Variants in NUP98 observed in about 807,000 individuals in gnomAD.
NUP98 encodes nucleoporin 98 and 96 precursor, also known as nuclear pore complex protein Nup98-Nup96.
NUP98 carries 26 observed loss-of-function variants against 191.9 expected under a neutral mutation model. The ratio of observed to expected loss-of-function variants is 0.14; its 90% CI spans 0.10 to 0.19. The LOEUF is 0.19. Among genes scored for constraint, NUP98 ranks in the 10% least tolerant of loss-of-function variants. NUP98 has a pLI of 1.00. For missense variants in NUP98, 1,941 were observed against 2,178.8 expected (o/e 0.89, Z 2.17); for synonymous variants, 808 against 778.4 (o/e 1.04, Z -0.63).
chr11:3,697,576 A>C lies in NUP98; in HGVS notation c.4009+1506T>G, dbSNP rs2078547381. On this transcript the variant is annotated intron_variant, in intron 25 of 32. Coordinates refer to ENST00000324932, the MANE Select transcript of NUP98 (RefSeq NM_016320.5). ...TGTAATCCCAGCACTTGGGAGGCCAAAGTGGGTGGATCACTGGAAGTCACG... is the reference window on the plus strand; with the variant it reads ...TGTAATCCCAGCACTTGGGAGGCCACAGTGGGTGGATCACTGGAAGTCACG... 3.3e-5 allele frequency among the ~76,000 whole-genome samples: 5 copies of C among 152,110 alleles called. No individual in the cohort carries two copies. In the South Asian group the frequency reaches 1.0e-3, roughly 32 times the overall value.
At chr11:3,733,462 C>T (rs2079922011) in intron 13 of NUP98, among the ~76,000 whole-genome samples, 1 of 152,126 alleles carries the variant, frequency 6.6e-6, no homozygotes, top group Non-Finnish European at 1.5e-5. Flanking sequence ...TGGGCACGCA[C>T]CACCATGCCT....
intron 29 of NUP98, among the ~76,000 whole-genome samples, chr11:3,685,467 T>C (rs1337317610): frequency 6.6e-6 from 1 of 152,234 alleles, no homozygotes; most frequent in Admixed American, 6.5e-5. Context: ...ACAGCACTAT[T>C]TCTGTGTAAT....
chr11:3,720,625 A>C, intron 17 of NUP98, 87 bp downstream of exon 17: 1 of 652,734 alleles, frequency 1.5e-6, no homozygotes, highest in Non-Finnish European at 2.7e-6. Context: ...TAGGAAAATG[A>C]AGATTCAGCT....
chr11:3,737,509 C>G (rs1353244049), intron 12 of NUP98, among the ~76,000 whole-genome samples: 1 of 152,050 alleles, frequency 6.6e-6, no homozygotes, highest in African/African-American at 2.4e-5. Flanking sequence ...CACCTGTAGT[C>G]CCAGCTACTC....
At chr11:3,729,748 C>T (rs868206993) in intron 14 of NUP98, among the ~76,000 whole-genome samples, 6 of 105,062 alleles carry the variant, frequency 5.7e-5, no homozygotes, top group African/African-American at 2.1e-4. Flanking sequence ...AAAAGGATGA[C>T]GTTTGACAGC....
chr11:3,682,706 A>G (rs2078017431), intron 30 of NUP98, among the ~76,000 whole-genome samples: 1 of 152,256 alleles, frequency 6.6e-6, no homozygotes, highest in Non-Finnish European at 1.5e-5. Context: ...GAGAACCACC[A>G]AAATGTGAAA....
chr11:3,712,454 T>C, intron 20 of NUP98, 110 bp downstream of exon 20: 2 of 1,526,540 alleles, frequency 1.3e-6, no homozygotes, highest in Non-Finnish European at 1.8e-6. Context: ...CCAATGTTTG[T>C]ACTCTTCAAA....
At chr11:3,776,486 CT>C (rs35086418) in intron 4 of NUP98, among the ~76,000 whole-genome samples, 35,184 of 132,996 alleles carry the variant, frequency 0.26, 4,251 homozygotes, top group African/African-American at 0.36. Flanking sequence ...ATAGAAATTT[CT>C]TTTTTTTTTT....
chr11:3,770,124 C>T (rs572574930), intron 7 of NUP98, among the ~76,000 whole-genome samples: 6 of 151,466 alleles, frequency 4.0e-5, no homozygotes, highest in African/African-American at 9.7e-5. Context: ...GCTGGTTAAT[C>T]GCCTGAGGTC....
rs762054971 is a variant in NUP98, at chr11:3,695,459, G to C, written c.4157C>G (p.Ala1386Gly). The C allele has an allele frequency of 6.5e-7, 1 of 1,548,740 alleles. No homozygotes were observed. Among genetic ancestry groups the C allele is most frequent in the Admixed American group, 2.1e-5 (1 of 48,172 alleles). ...DERLRIFALLAGKPVWQLSEK... is the reference protein window; with the variant it reads ...DERLRIFALLGGKPVWQLSEK... Reference sequence around the variant, plus strand: ...AAAAGTAGAAGATACCGGTTTTCCAGCCAACAGAGCAAAGATGCGCAGTCT... The same window carrying C: ...AAAAGTAGAAGATACCGGTTTTCCACCCAACAGAGCAAAGATGCGCAGTCT... Residue 1386 changes from alanine to glycine, a missense_variant, in exon 26 of 33, where the codon GCT (alanine) becomes GGT (glycine). Coordinates refer to ENST00000324932, the MANE Select transcript of NUP98 (RefSeq NM_016320.5).
intron 28 of NUP98, among the ~76,000 whole-genome samples, chr11:3,690,283 A>G (rs987149520): frequency 1.7e-4 from 25 of 149,556 alleles, no homozygotes; most frequent in African/African-American, 5.9e-4. Context: ...TTTTTGAGAC[A>G]GAGTCTTGCT....
chr11:3,708,388 T>C (rs1010150556), intron 20 of NUP98, among the ~76,000 whole-genome samples: 3 of 152,120 alleles, frequency 2.0e-5, no homozygotes, highest in Admixed American at 1.3e-4. Flanking sequence ...GAACACTGTT[T>C]CAGATAACAT....
intron 2 of NUP98, among the ~76,000 whole-genome samples, chr11:3,780,541 CAAAAAAAAAA>C (rs142060672): frequency 5.3e-5 from 4 of 74,824 alleles, no homozygotes; most frequent in African/African-American, 5.1e-5. Context: ...GACTCCATCT[CAAAAAAAAAA>C]AAAAAAAAAA....
rs183082711 is a variant in NUP98 at position 3,779,984 on chromosome 11, G to A, written c.77-727C>T. ...CTCTACTAAAAATTCAGAAAAATTA[G>A]TGACACTCCGTAGTCACTGAGATAA... is the stretch of plus-strand genomic sequence containing the variant. On this transcript the variant is annotated intron_variant, in intron 2 of 32. Coordinates refer to ENST00000324932, the MANE Select transcript of NUP98 (RefSeq NM_016320.5). Among the ~76,000 whole-genome samples the A allele has an allele frequency of 1.6e-3, 240 of 152,148 alleles. 1 individual carries two copies. Among genetic ancestry groups the A allele is most frequent in the Non-Finnish European group, 5.4e-4 (37 of 68,010 alleles).
rs759405496 is a variant in NUP98 at position 3,713,812 on chromosome 11, C to T, written c.2577+6G>A. ...TAAAAGTCTGAACTGGGTTAAATGA[C>T]TATACCTTAAACACCCAAGAACCAG... On this transcript the variant is annotated splice_donor_region_variant and intron_variant, in intron 19 of 32. Transcript: ENST00000324932. 6.2e-7 allele frequency: 1 copy of T among 1,610,624 alleles called. No individual in the cohort carries two copies. The highest frequency in any genetic ancestry group is 2.2e-5 in the East Asian group (1 of 44,844).
At position 3,683,367 on chromosome 11, in the gene NUP98, T is replaced by G; in HGVS notation, c.4751A>C (p.Lys1584Thr). 21 of 1,614,166 alleles carry G rather than the reference T, an allele frequency of 1.3e-5. No individual in the cohort carries two copies. The highest frequency in any genetic ancestry group is 1.7e-5 in the Non-Finnish European group (20 of 1,180,026). Residue 1584 changes from lysine (K) to threonine (T), a missense_variant, in exon 30 of 33, where the codon AAA (lysine) becomes ACA (threonine). Coordinates refer to ENST00000324932, the MANE Select transcript of NUP98 (RefSeq NM_016320.5). ...QLLETPESWA[K>T]ETFLTQKLRV... ...GAGCTTCTGGGTAAGGAAAGTCTCT[T>G]TAGCCCAAGATTCAGGGGTCTCCAA...
intron 14 of NUP98, among the ~76,000 whole-genome samples, chr11:3,730,979 T>C (rs1243933673): frequency 6.6e-6 from 1 of 152,152 alleles, no homozygotes; most frequent in African/African-American, 2.4e-5. Flanking sequence ...TATAAAAAAG[T>C]GGACTGGCTG....
chr11:3,686,114 C>G lies in NUP98; in HGVS notation c.4535G>C (p.Trp1512Ser), dbSNP rs752067528. 5.0e-6 allele frequency: 8 copies of G among 1,614,070 alleles called. No individual in the cohort carries two copies. The highest frequency in any genetic ancestry group is 1.3e-5 in the African/African-American group (1 of 74,924). Residue 1512 changes from tryptophan to serine, a missense_variant, in exon 29 of 33, where the codon TGG becomes TCG. Coordinates refer to ENST00000324932, the MANE Select transcript of NUP98 (RefSeq NM_016320.5). ...GTAGTTAAGAGCCCTCAGCACTTCC[C>G]ACAAGTGCCAGCTTAGGCGGTAGTC... ...PLDYRLSWHL[W>S]EVLRALNYTH...
intron 11 of NUP98, among the ~76,000 whole-genome samples, chr11:3,747,303 T>TC (rs2080542737): frequency 6.6e-6 from 1 of 152,198 alleles, no homozygotes; most frequent in Non-Finnish European, 1.5e-5. Flanking sequence ...ATTGTTAGAA[T>TC]TTAAATTTAT....
Sources: gnomAD v4.1 joint callset for allele counts (sites outside exome capture counted in the v4.1 genomes callset) on GRCh38, gnomAD v4.1.1 for gene constraint, MANE v1.5 for transcripts, NCBI Gene and HGNC (gene_info 2026-07-23, HGNC 2026-07-21) for gene names.